The following ITGAM variants were observed in gnomAD, a reference collection of about 807,000 sequenced individuals.
ITGAM encodes the protein integrin subunit alpha M.
ITGAM carries 79 observed loss-of-function variants against 137.5 expected under a neutral mutation model. That is an observed-to-expected ratio of 0.57 (90% CI 0.48 to 0.69). The LOEUF is 0.69. Ranked by LOEUF, ITGAM falls within the 30% of genes least tolerant of loss-of-function variation. The probability of loss-of-function intolerance (pLI) is 0.00; values close to 1 mark genes in which losing one functional copy is unlikely to be tolerated. For synonymous variants in ITGAM, 583 were observed against 592.3 expected, an observed-to-expected ratio of 0.98 and a Z score of 0.23; for missense variants, 1,343 against 1,483.5, an observed-to-expected ratio of 0.91 and a Z score of 1.56.
chr16:31,295,304 T>C (rs990740354), intron 12 of ITGAM, among the ~76,000 whole-genome samples: 1 of 152,154 alleles, frequency 6.6e-6, no homozygotes, highest in African/African-American at 2.4e-5. Flanking sequence ...AATCAGAAGA[T>C]TGCATTAATA....
At chr16:31,274,369 GGTCCTGGTCCTGTTA>G (rs942778320) in intron 8 of ITGAM, among the ~76,000 whole-genome samples, 32 of 152,172 alleles carry the variant, frequency 2.1e-4, no homozygotes, top group African/African-American at 5.3e-4. Context: ...TGGGCCCAAG[GGTCCTGGTCCTGTTA>G]GTCTTGCAAG....
chr16:31,330,142 A>T lies in ITGAM; in HGVS notation c.3038A>T (p.Glu1013Val). The change falls in exon 26 of 30, where the codon GAG becomes GTG. Residue 1013 changes from glutamate to valine, a missense_variant. By Grantham distance (121) the Glu-to-Val change is moderately radical. Transcript: ENST00000544665. Reference sequence around the variant, plus strand: ...CCCTCTCACTCCGACTTTCTGGCTGAGCTTCGGAAGGCCCCCGTGGTGGTG... The same window carrying T: ...CCCTCTCACTCCGACTTTCTGGCTGTGCTTCGGAAGGCCCCCGTGGTGGTG... ...RLPSHSDFLA[E>V]LRKAPVVNCS... 1 of 1,613,640 alleles carries T rather than the reference A, an allele frequency of 6.2e-7. No individual in the cohort carries two copies. Among genetic ancestry groups the T allele is most frequent in the Non-Finnish European group, 8.5e-7 (1 of 1,179,762 alleles).
chr16:31,266,747 T>A (rs184390125), intron 5 of ITGAM, among the ~76,000 whole-genome samples: 11 of 152,040 alleles, frequency 7.2e-5, no homozygotes, highest in Non-Finnish European at 8.8e-5. Flanking sequence ...GAGGAGGGGA[T>A]GGTGCAAGGT....
chr16:31,281,271 C>T (rs7199532), intron 12 of ITGAM, among the ~76,000 whole-genome samples: 26,519 of 152,030 alleles, frequency 0.17, 2,887 homozygotes, highest in African/African-American at 0.3. Flanking sequence ...TTTCTATTGA[C>T]TGGAATAGTT....
chr16:31,311,963 G>T (rs1173398254), intron 14 of ITGAM, among the ~76,000 whole-genome samples: 1 of 151,896 alleles, frequency 6.6e-6, no homozygotes, highest in Admixed American at 6.6e-5. Context: ...CCATAAAAAA[G>T]GATGAGTTCA....
rs2080590299 is a variant in ITGAM at position 31,331,888 on chromosome 16, T to TGC, written c.*182_*183insCG. The TGC allele has an allele frequency of 1.8e-6, 1 of 553,658 alleles. No homozygotes were observed. The highest frequency in any genetic ancestry group is 2.1e-5 in the African/African-American group (1 of 46,702). 34.3% of individuals were successfully genotyped at this position (553,658 alleles called of 1,614,324 possible). On this transcript the variant is annotated 3_prime_UTR_variant, in exon 30 of 30. Coordinates refer to ENST00000544665, the MANE Select transcript of ITGAM (RefSeq NM_000632.4). The stretch of plus-strand genomic sequence containing the variant: ...GTGTGCAAGTGTCTGTGTGCAAGTG[T>TGC]GTGCACATGTGTGCGTGTGCGTGCA...
At chr16:31,328,067 G>T in intron 22 of ITGAM, 80 bp from the exon 23 acceptor site, 5 of 1,061,720 alleles carry the variant, frequency 4.7e-6, no homozygotes, top group Non-Finnish European at 5.9e-6. Flanking sequence ...CTGATTGGAG[G>T]CAGGGAGTGA....
intron 7 of ITGAM, 64 bp from the exon 8 acceptor site, chr16:31,273,297 TAAAA>T (rs201225943): frequency 2.5e-6 from 3 of 1,213,164 alleles, no homozygotes; most frequent in Non-Finnish European, 3.4e-6. Flanking sequence ...GTCTATTTCT[TAAAA>T]AAAAAAAAAA....
chr16:31,285,760 TGTGGTG>T lies in ITGAM; in HGVS notation c.1356+7654_1356+7659del, dbSNP rs545202234. On this transcript the variant is annotated intron_variant, in intron 12 of 29. Transcript: ENST00000544665. ...TCACCCAGGTAGTGAGCATAGTACC[TGTGGTG>T]GTTTTTCTTTTTTCTTTTTCTTTTC... Among the ~76,000 whole-genome samples the T allele has an allele frequency of 3.5e-3, 528 of 152,204 alleles. 2 individuals are homozygous for T. Among genetic ancestry groups the T allele is most frequent in the Non-Finnish European group, 5.1e-3 (345 of 68,002 alleles).
chr16:31,313,891 T>C (rs990260163), intron 14 of ITGAM, among the ~76,000 whole-genome samples: 1 of 152,180 alleles, frequency 6.6e-6, no homozygotes, highest in Admixed American at 6.6e-5. Flanking sequence ...CCAGCATCTG[T>C]TGTTTCCTGA....
intron 12 of ITGAM, among the ~76,000 whole-genome samples, chr16:31,280,591 T>A (rs1212390979): frequency 6.6e-6 from 1 of 152,244 alleles, no homozygotes; most frequent in South Asian, 2.1e-4. Context: ...TGATTTTATA[T>A]CCTGAGACTT....
At chr16:31,265,273 G>T in intron 2 of ITGAM, 122 bp from the exon 3 acceptor site, 1 of 502,578 alleles carries the variant, frequency 2.0e-6, no homozygotes, top group Non-Finnish European at 3.6e-6. Flanking sequence ...CTTCCTCCTA[G>T]TCATAGGAAT....
intron 12 of ITGAM, among the ~76,000 whole-genome samples, chr16:31,281,018 G>A (rs1453701852): frequency 6.6e-6 from 1 of 152,090 alleles, no homozygotes; most frequent in African/African-American, 2.4e-5. Flanking sequence ...GATGGATTAT[G>A]TTTATTGATT....
chr16:31,297,760 T>C lies in ITGAM; in HGVS notation c.1513T>C (p.Cys505Arg). The C allele has an allele frequency of 6.3e-7, 1 of 1,596,836 alleles. No individual in the cohort carries two copies. Among genetic ancestry groups the C allele is most frequent in the Non-Finnish European group, 8.5e-7 (1 of 1,173,324 alleles). The change falls in exon 14 of 30, where the codon TGT (cysteine) becomes CGT (arginine). Residue 505 changes from cysteine (C) to arginine (R), a missense_variant. By Grantham distance (180) the Cys-to-Arg change is radical. Coordinates refer to ENST00000544665, the MANE Select transcript of ITGAM (RefSeq NM_000632.4). ...PLPRGRARWQCDAVLYGEQGQ... is the reference protein window; with the variant it reads ...PLPRGRARWQRDAVLYGEQGQ... Reference sequence around the variant, plus strand: ...TGTTTAGCAGAGGGCTCGGTGGCAGTGTGATGCTGTTCTCTACGGGGAGCA... The same window carrying C: ...TGTTTAGCAGAGGGCTCGGTGGCAGCGTGATGCTGTTCTCTACGGGGAGCA...
At chr16:31,331,564 C>A in intron 29 of ITGAM, 72 bp from the exon 30 acceptor site, 2 of 1,021,942 alleles carry the variant, frequency 2.0e-6, no homozygotes, top group South Asian at 1.4e-5. Context: ...CCCTCCCGCC[C>A]CCTCCCCCTG....
rs980621605 is a variant in ITGAM, at chr16:31,325,612, A to G, written c.2618A>G (p.Glu873Gly). The change falls in exon 21 of 30, where the codon GAA becomes GGA. Residue 873 changes from glutamate to glycine, a missense_variant. Coordinates refer to ENST00000544665, the MANE Select transcript of ITGAM (RefSeq NM_000632.4). ...SCSINHPIFP[E>G]NSEVTFNITF... ...AGCATAAACCACCCCATCTTCCCGGAAAACTCAGAGGTCAGAACTCCTGGC... is the reference window on the plus strand; with the variant it reads ...AGCATAAACCACCCCATCTTCCCGGGAAACTCAGAGGTCAGAACTCCTGGC... The G allele has an allele frequency of 6.2e-7, 1 of 1,613,818 alleles. No homozygotes were observed.
At chr16:31,328,910 G>C (rs917702428) in intron 23 of ITGAM, 1 of 479,218 alleles carries the variant, frequency 2.1e-6, no homozygotes, top group East Asian at 4.0e-5. Context: ...ATGTGTGTGT[G>C]TCTGAGGATC....
intron 12 of ITGAM, among the ~76,000 whole-genome samples, chr16:31,296,314 TG>T (rs2080133304): frequency 6.6e-6 from 1 of 151,416 alleles, no homozygotes; most frequent in Non-Finnish European, 1.5e-5. Flanking sequence ...GGTTTCACCA[TG>T]ATTTCCAGGT....
intron 14 of ITGAM, among the ~76,000 whole-genome samples, chr16:31,302,942 TTCTTTCTTTC>T (rs2080226686): frequency 9.6e-6 from 1 of 104,646 alleles, no homozygotes; most frequent in African/African-American, 3.6e-5. Flanking sequence ...CTTTCTTTCT[TTCTTTCTTTC>T]TTTCTTTCTT....
Sources: gnomAD v4.1 joint callset for allele counts (sites outside exome capture counted in the v4.1 genomes callset) on GRCh38, gnomAD v4.1.1 for gene constraint, MANE v1.5 for transcripts, NCBI Gene and HGNC (gene_info 2026-07-23, HGNC 2026-07-21) for gene names.